HGH1: variants seen among roughly 807,000 people sequenced by gnomAD.
HGH1 encodes the protein HGH1 cochaperone.
Under a neutral mutation model 31.7 loss-of-function variants are expected in HGH1, and 31 were observed. The ratio of observed to expected loss-of-function variants is 0.98; its 90% CI spans 0.73 to 1.32. The LOEUF is 1.32. Among genes scored for constraint, HGH1 ranks in the 40% most tolerant of loss-of-function variants. The pLI, the probability that HGH1 is intolerant of heterozygous loss-of-function variation, is 0.00. For synonymous variants in HGH1, 284 were observed against 293.6 expected (o/e 0.97, Z 0.34); for missense variants, 618 against 594.4 (o/e 1.04, Z -0.41).
Position 144,139,918 on chromosome 8 carries a change from C to T in HGH1, c.*366C>T. 2.4e-6 allele frequency: 1 copy of T among 410,614 alleles called. No individual in the cohort carries two copies. Among genetic ancestry groups the T allele is most frequent in the Admixed American group, 3.9e-5 (1 of 25,572 alleles). 25.4% of individuals were successfully genotyped at this position (410,614 alleles called of 1,614,324 possible). On this transcript the variant is annotated 3_prime_UTR_variant, in exon 6 of 6. Coordinates refer to ENST00000347708, the MANE Select transcript of HGH1 (RefSeq NM_016458.4). ...CAAGCCCCAAGGAGCCAGCTGAAGC[C>T]TCCCAATCCCCAGGGCACTGCAGAG...
In HGH1 at chr8:144,139,394, A is replaced by T. The variant is rs1278886917; in HGVS notation, c.1015A>T (p.Ile339Phe). The change falls in exon 6 of 6, where the codon ATT becomes TTT. Residue 339 changes from isoleucine (I) to phenylalanine (F), a missense_variant. Physicochemically the swap from Ile to Phe is conservative, Grantham distance 21 (BLOSUM62 0). Transcript: ENST00000347708. ...TACEKLIQVL[I>F]GDEPERGMEN... ...CCTGCTTCCCGTCTGGCAGGTGCTT[A>T]TTGGGGACGAGCCTGAACGTGGCAT... is the stretch of plus-strand genomic sequence containing the variant. 6.2e-7 allele frequency: 1 copy of T among 1,613,376 alleles called. No individual in the cohort carries two copies. Among genetic ancestry groups the T allele is most frequent in the African/African-American group, 1.3e-5 (1 of 74,902 alleles).
In HGH1 at chr8:144,137,885, G is replaced by T; in HGVS notation, c.50G>T (p.Ser17Ile). 7.7e-7 allele frequency: 1 copy of T among 1,304,746 alleles called. No homozygotes were observed. Among genetic ancestry groups the T allele is most frequent in the South Asian group, 2.2e-5 (1 of 44,772 alleles). The allele number at this position is 1,304,746 out of a possible 1,614,324, so 80.8% of individuals were successfully genotyped here. A position where few individuals can be genotyped will look rare whatever the true frequency, so the allele number is the denominator to read the frequency against. ...GGCGCCTCGGGAGGGCCGGAGGCAA[G>T]CCCGGAGGCAGAGGTGGTGAAGCTG... ...GAGASGGPEA[S>I]PEAEVVKLLP... Residue 17 changes from serine to isoleucine, a missense_variant, in exon 1 of 6, where the codon AGC (serine) becomes ATC (isoleucine). By Grantham distance (142) the Ser-to-Ile change is moderately radical. Transcript: ENST00000347708.
At position 144,139,603 on chromosome 8, in the gene HGH1, C is replaced by T. The variant is rs1049602275; in HGVS notation, c.*51C>T. ...CAGGGTCCCCTTTGCCAGGCTTTCT[C>T]AGACCAGGCCTTCCTGCAGCTGTCT... On this transcript the variant is annotated 3_prime_UTR_variant, in exon 6 of 6. Coordinates refer to ENST00000347708, the MANE Select transcript of HGH1 (RefSeq NM_016458.4). 2.6e-6 allele frequency: 4 copies of T among 1,547,362 alleles called. No individual in the cohort carries two copies. In the South Asian group the frequency reaches 4.8e-5, roughly 18 times the overall value.
rs1184015621 is a variant in HGH1, at chr8:144,139,855, TC to T, written c.*305del. The T allele has an allele frequency of 0.039, 21,050 of 544,498 alleles. 3,424 individuals are homozygous for T. Among genetic ancestry groups the T allele is most frequent in the African/African-American group, 0.35 (18,589 of 52,726 alleles). 33.7% of individuals were successfully genotyped at this position (544,498 alleles called of 1,614,324 possible). On this transcript the variant is annotated 3_prime_UTR_variant, in exon 6 of 6. Transcript: ENST00000347708. ...GGCCAGGGAGCCATGAGAAGACTCT[TC>T]CTGGGCACGGCGTGGGGACTGGACA...
chr8:144,139,271 C>G lies in HGH1; in HGVS notation c.968C>G (p.Pro323Arg), dbSNP rs1459551986. 6.2e-7 allele frequency: 1 copy of G among 1,613,968 alleles called. No homozygotes were observed. Among genetic ancestry groups the G allele is most frequent in the Non-Finnish European group, 8.5e-7 (1 of 1,179,854 alleles). ...LILRELHSWEPEPDVRTACEK... is the reference protein window; with the variant it reads ...LILRELHSWEREPDVRTACEK... Reference sequence around the variant, plus strand: ...CTTCGAGAGCTGCACAGCTGGGAGCCGGAGCCCGACGTGCGGACGGCTTGT... The same window carrying G: ...CTTCGAGAGCTGCACAGCTGGGAGCGGGAGCCCGACGTGCGGACGGCTTGT... The change falls in exon 5 of 6, where the codon CCG becomes CGG. Residue 323 changes from proline to arginine, a missense_variant. Transcript: ENST00000347708.
chr8:144,138,002 C>G lies in HGH1; in HGVS notation c.167C>G (p.Ala56Gly). The G allele has an allele frequency of 7.6e-7, 1 of 1,316,368 alleles. No individual in the cohort carries two copies. The allele number at this position is 1,316,368 out of a possible 1,614,324, so 81.5% of individuals were successfully genotyped here. A position where few individuals can be genotyped will look rare whatever the true frequency, so the allele number is the denominator to read the frequency against. ...LALTGCGPGR[A>G]LLAGQAALLQ... ...CTGACTGGCTGCGGACCCGGCCGCG[C>G]GCTGTTGGCGGGGCAGGCGGCGCTG... Residue 56 changes from alanine to glycine, a missense_variant, in exon 1 of 6, where the codon GCG (alanine) becomes GGG (glycine). Physicochemically the swap from Ala to Gly is moderately conservative, Grantham distance 60 (BLOSUM62 0). Coordinates refer to ENST00000347708, the MANE Select transcript of HGH1 (RefSeq NM_016458.4).
At position 144,139,026 on chromosome 8, in the gene HGH1, C is replaced by T. The variant is rs1185189861; in HGVS notation, c.811C>T (p.Gln271Ter). The change falls in exon 4 of 6, where the codon CAG becomes TAG. Residue 271 changes from glutamine (Q) to a stop codon, truncating the protein, a stop_gained. Coordinates refer to ENST00000347708, the MANE Select transcript of HGH1 (RefSeq NM_016458.4). LOFTEE classifies it high-confidence loss of function. Reference protein sequence around the residue: ...EEMERLPVDLQYLPPDKQREP... With the variant: ...EEMERLPVDL The stretch of plus-strand genomic sequence containing the variant: ...ACCCCTAGGGCTGCCTGTCGACTTG[C>T]AGTACCTGCCACCAGACAAGCAGCG... The T allele has an allele frequency of 6.2e-7, 1 of 1,613,832 alleles. No homozygotes were observed. Among genetic ancestry groups the T allele is most frequent in the Non-Finnish European group, 8.5e-7 (1 of 1,179,844 alleles).
Position 144,139,761 on chromosome 8 carries a change from C to G in HGH1, c.*209C>G. ...GCTACCAGCAAGAATGAAGGTTGTG[C>G]AGAGCAGTACTGTGAGGTAGGCACC... is the stretch of plus-strand genomic sequence containing the variant. On this transcript the variant is annotated 3_prime_UTR_variant, in exon 6 of 6. Transcript: ENST00000347708. 1.4e-6 allele frequency: 1 copy of G among 732,074 alleles called. No homozygotes were observed. The highest frequency in any genetic ancestry group is 2.7e-5 in the East Asian group (1 of 36,944). 45.3% of individuals were successfully genotyped at this position (732,074 alleles called of 1,614,324 possible). A position where few individuals can be genotyped will look rare whatever the true frequency, so the allele number is the denominator to read the frequency against.
In HGH1 at chr8:144,137,813, G is replaced by T. The variant is rs1440369554; in HGVS notation, c.-23G>T. 5 of 1,244,598 alleles carry T rather than the reference G, an allele frequency of 4.0e-6. No homozygotes were observed. The highest frequency in any genetic ancestry group is 1.6e-5 in the African/African-American group (1 of 64,364). The allele number at this position is 1,244,598 out of a possible 1,614,324, so 77.1% of individuals were successfully genotyped here. A position where few individuals can be genotyped will look rare whatever the true frequency, so the allele number is the denominator to read the frequency against. ...TAAGCGGACCGCTGGCACCGGTCGGGTGGCAGCAGAGTGTCGCTCGACATG... is the reference window on the plus strand; with the variant it reads ...TAAGCGGACCGCTGGCACCGGTCGGTTGGCAGCAGAGTGTCGCTCGACATG... On this transcript the variant is annotated 5_prime_UTR_variant, in exon 1 of 6. Coordinates refer to ENST00000347708, the MANE Select transcript of HGH1 (RefSeq NM_016458.4).
chr8:144,138,886 A>G (rs1314740511), intron 3 of HGH1, 73 bp downstream of exon 3: 2 of 1,603,074 alleles, frequency 1.2e-6, no homozygotes, highest in East Asian at 4.5e-5. Flanking sequence ...AGAGGTGTCC[A>G]GGCCACAGGC....
Position 144,138,016 on chromosome 8 carries a change from C to T in HGH1, c.181C>T (p.Gln61Ter). 1 of 1,307,378 alleles carries T rather than the reference C, an allele frequency of 7.6e-7. No individual in the cohort carries two copies. The highest frequency in any genetic ancestry group is 2.0e-5 in the South Asian group (1 of 50,886). The allele number at this position is 1,307,378 out of a possible 1,614,324, so 81.0% of individuals were successfully genotyped here. ...CGPGRALLAG[Q>*]AALLQALMEL... ...ACCCGGCCGCGCGCTGTTGGCGGGGCAGGCGGCGCTGCTGCAGGCGCTGAT... is the reference window on the plus strand; with the variant it reads ...ACCCGGCCGCGCGCTGTTGGCGGGGTAGGCGGCGCTGCTGCAGGCGCTGAT... The change falls in exon 1 of 6, where the codon CAG (glutamine) becomes TAG (stop). Residue 61 changes from glutamine (Q) to a stop codon, truncating the protein, a stop_gained. Transcript: ENST00000347708. LOFTEE classifies it high-confidence loss of function.
In HGH1 at chr8:144,139,224, G is replaced by A. The variant is rs1815149618; in HGVS notation, c.921G>A (p.Arg307=). ...CAGCACCAGGTCGGCAGCAGGTGCG[G>A]GACCAGGGAGCCTACCTGATCCTTC... The part of the protein sequence containing the change: ...TATAPGRQQV[R]DQGAYLILRE... Residue 307 remains arginine, a synonymous_variant, in exon 5 of 6, where the codon CGG becomes CGA. Transcript: ENST00000347708. The A allele has an allele frequency of 1.1e-5, 18 of 1,614,012 alleles. No homozygotes were observed. The South Asian group carries it at 1.6e-4, about 15-fold the overall frequency.
chr8:144,137,940 G>A lies in HGH1; in HGVS notation c.105G>A (p.Ala35=). 3.0e-6 allele frequency: 4 copies of A among 1,325,710 alleles called. No individual in the cohort carries two copies. The highest frequency in any genetic ancestry group is 1.9e-6 in the Non-Finnish European group (2 of 1,040,580). 82.1% of individuals were successfully genotyped at this position (1,325,710 alleles called of 1,614,324 possible). ...LLPFLAPGAR[A]DLQAAAVRHV... ...CCTTCCTGGCGCCGGGCGCGCGGGC[G>A]GACCTGCAGGCGGCGGCGGTGCGGC... The change falls in exon 1 of 6, where the codon GCG becomes GCA. Residue 35 remains alanine (A), a synonymous_variant. Transcript: ENST00000347708.
Position 144,139,085 on chromosome 8 carries a change from T to C in HGH1, c.870T>C (p.Val290=), listed in dbSNP as rs901045858. ...EPDADIRKML[V]EAIMLLTATA... ...ATGCAGACATCCGCAAGATGCTTGT[T>C]GAAGCCATCATGCTGGTGAGCAGGA... The change falls in exon 4 of 6, where the codon GTT becomes GTC. Residue 290 remains valine (V), a synonymous_variant. Coordinates refer to ENST00000347708, the MANE Select transcript of HGH1 (RefSeq NM_016458.4). 2.8e-5 allele frequency: 45 copies of C among 1,614,000 alleles called. No homozygotes were observed. The Admixed American group carries it at 7.5e-4, about 27-fold the overall frequency.
chr8:144,137,835 C>T lies in HGH1; in HGVS notation c.-1C>T. 2 of 1,278,822 alleles carry T rather than the reference C, an allele frequency of 1.6e-6. No homozygotes were observed. The highest frequency in any genetic ancestry group is 2.0e-6 in the Non-Finnish European group (2 of 1,014,534). 79.2% of individuals were successfully genotyped at this position (1,278,822 alleles called of 1,614,324 possible). A position where few individuals can be genotyped will look rare whatever the true frequency, so the allele number is the denominator to read the frequency against. ...CGGGTGGCAGCAGAGTGTCGCTCGA[C>T]ATGGGGGAGGCCGGGGCTGGCGCTG... On this transcript the variant is annotated 5_prime_UTR_variant, in exon 1 of 6. Transcript: ENST00000347708.
In HGH1 at chr8:144,138,280, G is replaced by A; in HGVS notation, c.445G>A (p.Glu149Lys). The change falls in exon 1 of 6, where the codon GAG becomes AAG. Residue 149 changes from glutamate to lysine, a missense_variant. Glu to Lys is a moderately conservative substitution (Grantham distance 56, BLOSUM62 1). Transcript: ENST00000347708. ...AALMAALAAA[E>K]PADSGLERLV... Reference sequence around the variant, plus strand: ...GCTCATGGCGGCGCTGGCGGCCGCGGAGCCGGCAGACTCGGGCCTGGAGCG... The same window carrying A: ...GCTCATGGCGGCGCTGGCGGCCGCGAAGCCGGCAGACTCGGGCCTGGAGCG... The A allele has an allele frequency of 6.8e-7, 1 of 1,476,628 alleles. No individual in the cohort carries two copies. The allele number at this position is 1,476,628 out of a possible 1,614,324, so 91.5% of individuals were successfully genotyped here.
In HGH1 at chr8:144,138,210, C is replaced by T; in HGVS notation, c.375C>T (p.Ala125=). Residue 125 remains alanine, a synonymous_variant, in exon 1 of 6, where the codon GCC becomes GCT. Coordinates refer to ENST00000347708, the MANE Select transcript of HGH1 (RefSeq NM_016458.4). The part of the protein sequence containing the change: ...DPQWPWAEEA[A]AALANLSREP... ...AGTGGCCCTGGGCCGAGGAGGCGGC[C>T]GCCGCGCTAGCCAACCTCAGTCGCG... 1.5e-6 allele frequency: 2 copies of T among 1,364,754 alleles called. No homozygotes were observed. Among genetic ancestry groups the T allele is most frequent in the South Asian group, 1.7e-5 (1 of 58,120 alleles). 84.5% of individuals were successfully genotyped at this position (1,364,754 alleles called of 1,614,324 possible). A position where few individuals can be genotyped will look rare whatever the true frequency, so the allele number is the denominator to read the frequency against.
At position 144,138,039 on chromosome 8, in the gene HGH1, G is replaced by C. The variant is rs1217224347; in HGVS notation, c.204G>C (p.Leu68=). The C allele has an allele frequency of 4.2e-5, 55 of 1,305,374 alleles. No homozygotes were observed. Among genetic ancestry groups the C allele is most frequent in the Admixed American group, 1.8e-4 (5 of 28,376 alleles). The allele number at this position is 1,305,374 out of a possible 1,614,324, so 80.9% of individuals were successfully genotyped here. A position where few individuals can be genotyped will look rare whatever the true frequency, so the allele number is the denominator to read the frequency against. Residue 68 remains leucine, a synonymous_variant, in exon 1 of 6, where the codon CTG becomes CTC. Coordinates refer to ENST00000347708, the MANE Select transcript of HGH1 (RefSeq NM_016458.4). ...LAGQAALLQA[L]MELAPASAPA... ...GGCAGGCGGCGCTGCTGCAGGCGCT[G>C]ATGGAGCTGGCGCCGGCCTCTGCCC... is the stretch of plus-strand genomic sequence containing the variant.
In HGH1 at chr8:144,137,981, C is replaced by G. The variant is rs1317344696; in HGVS notation, c.146C>G (p.Thr49Ser). 1 of 1,338,254 alleles carries G rather than the reference C, an allele frequency of 7.5e-7. No individual in the cohort carries two copies. The highest frequency in any genetic ancestry group is 1.5e-5 in the African/African-American group (1 of 65,058). 82.9% of individuals were successfully genotyped at this position (1,338,254 alleles called of 1,614,324 possible). ...AAAVRHVLAL[T>S]GCGPGRALLA... ...GCGGTGCGGCACGTGCTGGCGCTGA[C>G]TGGCTGCGGACCCGGCCGCGCGCTG... is the stretch of plus-strand genomic sequence containing the variant. The change falls in exon 1 of 6, where the codon ACT becomes AGT. Residue 49 changes from threonine (T) to serine (S), a missense_variant. Physicochemically the swap from Thr to Ser is moderately conservative, Grantham distance 58. Transcript: ENST00000347708.
Sources: allele counts gnomAD v4.1 joint callset, GRCh38; gene constraint gnomAD v4.1.1; transcripts MANE v1.5; gene names NCBI Gene and HGNC (gene_info 2026-07-23, HGNC 2026-07-21).